Variants in LMO7 observed in about 807,000 individuals in gnomAD.
LMO7 encodes the protein LIM domain only protein 7.
A neutral mutation model predicts 206.5 loss-of-function variants in LMO7; 120 were observed. The observed-to-expected ratio is 0.58, with a 90% CI of 0.50 to 0.68. The LOEUF is 0.68. Ranked by LOEUF, LMO7 falls within the 30% of genes least tolerant of loss-of-function variation. The pLI, the probability that LMO7 is intolerant of heterozygous loss-of-function variation, is 0.00. For missense variants in LMO7, 1,959 were observed against 1,957.9 expected (o/e 1.00, Z -0.01); for synonymous variants, 706 against 681.5 (o/e 1.04, Z -0.56).
chr13:75,718,887 T>A (rs1263658280), intron 2 of LMO7, among the ~76,000 whole-genome samples: 1 of 152,136 alleles, frequency 6.6e-6, no homozygotes, highest in Non-Finnish European at 1.5e-5. Flanking sequence ...GTTGGACTCA[T>A]ACAGTGCATA....
At chr13:75,732,980 G>A (rs1050891944) in intron 3 of LMO7, among the ~76,000 whole-genome samples, 5 of 152,132 alleles carry the variant, frequency 3.3e-5, no homozygotes, top group African/African-American at 1.2e-4. Context: ...TCGTTCCTCT[G>A]GAAGTTTTGT....
chr13:75,733,503 G>A (rs1177112938), intron 3 of LMO7, among the ~76,000 whole-genome samples: 2 of 152,202 alleles, frequency 1.3e-5, no homozygotes, highest in East Asian at 1.9e-4. Flanking sequence ...AGGTGGGAGT[G>A]ACCCGATTTT....
chr13:75,725,988 A>AT (rs34824538), intron 2 of LMO7, among the ~76,000 whole-genome samples: 4,926 of 141,350 alleles, frequency 0.035, 98 homozygotes, highest in African/African-American at 0.056. Context: ...CAGGCTTCAG[A>AT]TTTTTTTTTT....
At chr13:75,645,892 G>A (rs1193350719) in intron 1 of LMO7, among the ~76,000 whole-genome samples, 2 of 152,138 alleles carry the variant, frequency 1.3e-5, no homozygotes, top group South Asian at 4.1e-4. Context: ...TTTGCCTACA[G>A]TATCTTTCTA....
At chr13:75,710,836 T>C (rs1210477659) in intron 1 of LMO7, among the ~76,000 whole-genome samples, 1 of 152,018 alleles carries the variant, frequency 6.6e-6, no homozygotes, top group East Asian at 1.9e-4. Flanking sequence ...CAACACTATG[T>C]TGAATAGGAG....
intron 11 of LMO7, among the ~76,000 whole-genome samples, chr13:75,814,149 T>C (rs1422460633): frequency 6.6e-6 from 1 of 152,226 alleles, no homozygotes; most frequent in South Asian, 2.1e-4. Context: ...TATTCCTTAA[T>C]AGTCCTTAAT....
chr13:75,826,210 T>G (rs1037946808), intron 15 of LMO7, among the ~76,000 whole-genome samples: 3 of 151,928 alleles, frequency 2.0e-5, no homozygotes, highest in Non-Finnish European at 4.4e-5. Context: ...CTGGCTAATT[T>G]TCGTATTTTT....
intron 4 of LMO7, among the ~76,000 whole-genome samples, chr13:75,762,440 G>A (rs910048372): frequency 1.3e-5 from 2 of 152,114 alleles, no homozygotes; most frequent in Admixed American, 1.3e-4. Flanking sequence ...AGTTGTTGAT[G>A]CTTGTTAAGC....
chr13:75,712,658 A>G (rs1248966032), intron 1 of LMO7, among the ~76,000 whole-genome samples: 2 of 152,218 alleles, frequency 1.3e-5, no homozygotes, highest in East Asian at 1.9e-4. Flanking sequence ...ATGTTTCAAT[A>G]AATGGCTCTT....
chr13:75,778,717 G>A (rs2050871392), intron 4 of LMO7, among the ~76,000 whole-genome samples: 2 of 152,158 alleles, frequency 1.3e-5, no homozygotes, highest in South Asian at 4.1e-4. Context: ...GAGGACTTAT[G>A]TTTCAACTGA....
At chr13:75,835,105 C>T in intron 17 of LMO7, 128 bp from the exon 18 acceptor site, 5 of 1,198,366 alleles carry the variant, frequency 4.2e-6, no homozygotes, top group East Asian at 2.9e-5. Flanking sequence ...TTATTCTTTC[C>T]ACTTCAACAT....
intron 4 of LMO7, among the ~76,000 whole-genome samples, chr13:75,777,185 G>C (rs2050624613): frequency 6.6e-6 from 1 of 152,136 alleles, no homozygotes; most frequent in South Asian, 2.1e-4. Context: ...TCCTCCCCCA[G>C]TGTTCACTCA....
intron 20 of LMO7, 190 bp from the exon 21 acceptor site, chr13:75,839,895 A>G: frequency 1.9e-6 from 1 of 522,088 alleles, no homozygotes; most frequent in East Asian, 2.9e-5. Context: ...TGAATTTGAA[A>G]GATGAGTAAC....
rs1283384305 is a variant in LMO7, at chr13:75,820,465, CAATT to C, written c.2208-708_2208-705del. 4.6e-5 allele frequency among the ~76,000 whole-genome samples: 7 copies of C among 152,140 alleles called. No individual in the cohort carries two copies. In the East Asian group the frequency reaches 9.6e-4, roughly 21 times the overall value. ...AGGAAGAAAATCCTCACAAGACTGTCAATTAATCCACGACTTTGGAAGGTTCAAA... is the reference window on the plus strand; with the variant it reads ...AGGAAGAAAATCCTCACAAGACTGTCAATCCACGACTTTGGAAGGTTCAAA... On this transcript the variant is annotated intron_variant, in intron 13 of 30. Transcript: ENST00000377534.
intron 4 of LMO7, among the ~76,000 whole-genome samples, chr13:75,790,466 A>G (rs908579249): frequency 5.9e-5 from 9 of 152,196 alleles, no homozygotes; most frequent in Non-Finnish European, 1.3e-4. Context: ...TGAACCCCAA[A>G]GTCCCGCACT....
intron 3 of LMO7, among the ~76,000 whole-genome samples, chr13:75,729,469 A>G (rs2044879290): frequency 6.6e-6 from 1 of 150,802 alleles, no homozygotes; most frequent in Admixed American, 6.6e-5. Context: ...ATTTTTGCAC[A>G]TTGATTTTGT....
At chr13:75,817,019 G>C (rs969514154) in intron 11 of LMO7, 142 bp from the exon 12 acceptor site, 5 of 585,270 alleles carry the variant, frequency 8.5e-6, no homozygotes, top group Non-Finnish European at 1.5e-5. Context: ...ATTTATCTCT[G>C]TAGTGCTACT....
chr13:75,693,005 A>G (rs2041616522), intron 1 of LMO7, among the ~76,000 whole-genome samples: 1 of 152,178 alleles, frequency 6.6e-6, no homozygotes, highest in Non-Finnish European at 1.5e-5. Flanking sequence ...TGCTATTTTG[A>G]GATTAAGACT....
chr13:75,817,308 A>C (rs2138218666), intron 12 of LMO7, 30 bp downstream of exon 12: 3 of 1,388,172 alleles, frequency 2.2e-6, no homozygotes, highest in Non-Finnish European at 3.1e-6. Context: ...GAGGGGAGAG[A>C]GTGTATTTGT....
Sources: gnomAD v4.1 joint callset for allele counts (sites outside exome capture counted in the v4.1 genomes callset) on GRCh38, gnomAD v4.1.1 for gene constraint, MANE v1.5 for transcripts, NCBI Gene and HGNC (gene_info 2026-07-23, HGNC 2026-07-21) for gene names.